Variants in TCF20 observed in about 807,000 individuals in gnomAD.
The protein encoded by TCF20 is transcription factor 20.
A neutral mutation model predicts 148.6 loss-of-function variants in TCF20; 3 were observed. The observed-to-expected ratio is 0.02, with a 90% CI of 0.01 to 0.05. The LOEUF is 0.05. TCF20 is among the 10% of genes least tolerant of loss of function. The pLI, the probability that TCF20 is intolerant of heterozygous loss-of-function variation, is 1.00. For missense variants in TCF20, 2,350 were observed against 2,429.3 expected, an observed-to-expected ratio of 0.97 and a Z score of 0.69; for synonymous variants, 1,049 against 909.5, an observed-to-expected ratio of 1.15 and a Z score of -2.76.
intron 3 of TCF20, among the ~76,000 whole-genome samples, chr22:42,173,588 G>A (rs1936265483): frequency 6.6e-6 from 1 of 152,160 alleles, no homozygotes; most frequent in African/African-American, 2.4e-5. Context: ...TTTTTGTTAT[G>A]ATTAGAAAGA....
At chr22:42,200,067 G>C (rs1937896126) in intron 2 of TCF20, among the ~76,000 whole-genome samples, 1 of 151,886 alleles carries the variant, frequency 6.6e-6, no homozygotes, top group Non-Finnish European at 1.5e-5. Context: ...TATTTGAAAG[G>C]CTAAATAAAA....
intron 2 of TCF20, among the ~76,000 whole-genome samples, chr22:42,188,069 G>A (rs1409822617): frequency 2.6e-5 from 4 of 151,812 alleles, no homozygotes; most frequent in African/African-American, 7.3e-5. Flanking sequence ...CGAGGCAGGC[G>A]GATCACCTGA....
intron 1 of TCF20, among the ~76,000 whole-genome samples, chr22:42,296,838 C>A (rs1288879023): frequency 1.3e-5 from 2 of 152,186 alleles, no homozygotes; most frequent in African/African-American, 4.8e-5. Flanking sequence ...CTCAGCTTTT[C>A]GCGAATGAGA....
intron 2 of TCF20, among the ~76,000 whole-genome samples, chr22:42,196,474 G>T (rs1198264671): frequency 6.6e-6 from 1 of 152,140 alleles, no homozygotes; most frequent in Non-Finnish European, 1.5e-5. Context: ...ACCCTACCTA[G>T]AAACAAGCAA....
At position 42,211,515 on chromosome 22, in the gene TCF20, A is replaced by G. The variant is rs1920963824; in HGVS notation, c.3791T>C (p.Ile1264Thr). 3.7e-6 allele frequency: 6 copies of G among 1,614,034 alleles called. No individual in the cohort carries two copies. Among genetic ancestry groups the G allele is most frequent in the Non-Finnish European group, 4.2e-6 (5 of 1,180,032 alleles). The change falls in exon 2 of 6, where the codon ATT becomes ACT. Residue 1264 changes from isoleucine to threonine, a missense_variant. This residue lies in a region of TCF20 where 1,641 missense variants were observed against 1,662.6 expected (regional missense o/e 0.99). Coordinates refer to ENST00000677622, the MANE Select transcript of TCF20 (RefSeq NM_001378418.1). ...ATCTTGTGACTGTCTCTTACTGGGA[A>G]TGGGAGAGATAAAAGAACGAACACG... is the stretch of plus-strand genomic sequence containing the variant. The part of the protein sequence containing the change: ...RRRVRSFISP[I>T]PSKRQSQDVK...
Position 42,210,487 on chromosome 22 carries a change from G to A in TCF20, c.4819C>T (p.Pro1607Ser). Residue 1607 changes from proline to serine, a missense_variant, in exon 2 of 6, where the codon CCC (proline) becomes TCC (serine). Physicochemically the swap from Pro to Ser is moderately conservative, Grantham distance 74. This residue lies in a region of TCF20 where 374 missense variants were observed against 398.3 expected (regional missense o/e 0.94). Transcript: ENST00000677622. The surrounding 1 kb of genome is among the most constrained non-coding windows in gnomAD (Gnocchi z 4.7). ...TTTAGTTTGATCTCAGGTTCTTGGGGTTCCACAATGGGAACTGCTTGTTTG... is the reference window on the plus strand; with the variant it reads ...TTTAGTTTGATCTCAGGTTCTTGGGATTCCACAATGGGAACTGCTTGTTTG... ...KTKQAVPIVE[P>S]QEPEIKLKYA... 6.2e-7 allele frequency: 1 copy of A among 1,614,214 alleles called. No individual in the cohort carries two copies. Among genetic ancestry groups the A allele is most frequent in the Non-Finnish European group, 8.5e-7 (1 of 1,180,042 alleles).
chr22:42,336,932 C>T (rs966982730), intron 1 of TCF20, among the ~76,000 whole-genome samples: 3 of 152,334 alleles, frequency 2.0e-5, no homozygotes, highest in Admixed American at 6.5e-5. Flanking sequence ...AGAACTGCTT[C>T]CCATAGCCAC....
intron 2 of TCF20, among the ~76,000 whole-genome samples, chr22:42,201,782 A>C (rs1938044322): frequency 6.6e-6 from 1 of 151,900 alleles, no homozygotes; most frequent in African/African-American, 2.4e-5. Context: ...AAAAAACAAA[A>C]CCAAACCAAA....
intron 1 of TCF20, among the ~76,000 whole-genome samples, chr22:42,316,196 G>C (rs901022232): frequency 1.3e-5 from 2 of 151,968 alleles, no homozygotes; most frequent in South Asian, 2.1e-4. Context: ...GGGAGCCCTG[G>C]CAGCTTCCAA....
Position 42,217,297 on chromosome 22 carries a change from G to A in TCF20, c.-36-1956C>T, listed in dbSNP as rs563526695. 1.3e-3 allele frequency among the ~76,000 whole-genome samples: 194 copies of A among 152,228 alleles called. 1 individual carries two copies. The highest frequency in any genetic ancestry group is 2.0e-3 in the Non-Finnish European group (138 of 68,026). On this transcript the variant is annotated intron_variant, in intron 1 of 5. Transcript: ENST00000677622. The stretch of plus-strand genomic sequence containing the variant: ...ATAGGAACTCTGTTCTCACCTGCAC[G>A]TTCTTCTCCCAGAGCCAGATAGCTT...
At chr22:42,239,968 A>G (rs1001272803) in intron 1 of TCF20, among the ~76,000 whole-genome samples, 3 of 152,208 alleles carry the variant, frequency 2.0e-5, no homozygotes, top group Non-Finnish European at 2.9e-5. Flanking sequence ...AAATCCCACA[A>G]TATCTGTGAA....
rs118056688 is a variant in TCF20 at position 42,250,965 on chromosome 22, G to C, written c.-37+19374C>G. On this transcript the variant is annotated intron_variant, in intron 1 of 5. Transcript: ENST00000677622. The stretch of plus-strand genomic sequence containing the variant: ...TTAAAACAGCCAGATCTCGCGAGAA[G>C]TCGCTCACCGTCTCGAGGACAGCAT... Among the ~76,000 whole-genome samples the C allele has an allele frequency of 3.7e-4, 57 of 152,258 alleles. No individual in the cohort carries two copies. In the East Asian group the frequency reaches 9.1e-3, roughly 24 times the overall value.
chr22:42,214,907 C>G lies in TCF20; in HGVS notation c.399G>C (p.Glu133Asp), dbSNP rs1384135402. 2.5e-6 allele frequency: 4 copies of G among 1,614,084 alleles called. No individual in the cohort carries two copies. The highest frequency in any genetic ancestry group is 3.4e-6 in the Non-Finnish European group (4 of 1,180,046). Residue 133 changes from glutamate to aspartate, a missense_variant, in exon 2 of 6, where the codon GAG becomes GAC. Glu to Asp is a conservative substitution (Grantham distance 45). Around this residue, in one of 7 missense-constraint regions of TCF20, gnomAD observed 1,641 missense variants for 1,662.6 expected, o/e 0.99. Coordinates refer to ENST00000677622, the MANE Select transcript of TCF20 (RefSeq NM_001378418.1). ...GSSFGNQYGS[E>D]GHVGQFQAQH... ...GTGCTTGAAACTGGCCCACATGACCCTCACTCCCATACTGATTGCCAAAGC... is the reference window on the plus strand; with the variant it reads ...GTGCTTGAAACTGGCCCACATGACCGTCACTCCCATACTGATTGCCAAAGC...
intron 1 of TCF20, among the ~76,000 whole-genome samples, chr22:42,310,491 A>C (rs984248394): frequency 6.6e-6 from 1 of 151,952 alleles, no homozygotes; most frequent in Non-Finnish European, 1.5e-5. Context: ...ACAGGAATCC[A>C]GCCAGGGGGG....
At chr22:42,224,109 T>TA (rs1690209894) in intron 1 of TCF20, among the ~76,000 whole-genome samples, 1 of 152,102 alleles carries the variant, frequency 6.6e-6, no homozygotes, top group African/African-American at 2.4e-5. Context: ...ATGTAAGCCA[T>TA]AAAAAATATC....
intron 1 of TCF20, among the ~76,000 whole-genome samples, chr22:42,295,887 C>G (rs1927228472): frequency 6.6e-6 from 1 of 152,208 alleles, no homozygotes; most frequent in Admixed American, 6.5e-5. Flanking sequence ...CCCATCCCCT[C>G]CTCCTCCAGG....
rs201887871 is a variant in TCF20 at position 42,214,541 on chromosome 22, C to T, written c.765G>A (p.Gln255=). 6.8e-6 allele frequency: 11 copies of T among 1,614,146 alleles called. No individual in the cohort carries two copies. The Admixed American group carries it at 1.5e-4, about 22-fold the overall frequency. ...SSFPSPQRFS[Q]SGQSYDGSYN... ...AACTGCCATCATAGCTCTGTCCAGA[C>T]TGGCTAAAACGCTGTGGTGAAGGGA... Residue 255 remains glutamine, a synonymous_variant, in exon 2 of 6, where the codon CAG becomes CAA. Transcript: ENST00000677622.
chr22:42,194,713 G>A (rs985281776), intron 2 of TCF20, among the ~76,000 whole-genome samples: 4 of 152,116 alleles, frequency 2.6e-5, no homozygotes, highest in African/African-American at 9.7e-5. Flanking sequence ...CACAGGGCAT[G>A]GTGGAGGAGA....
intron 1 of TCF20, among the ~76,000 whole-genome samples, chr22:42,217,954 CA>C (rs1224302555): frequency 6.6e-6 from 1 of 152,132 alleles, no homozygotes; most frequent in East Asian, 1.9e-4. Context: ...TCATGTGACC[CA>C]AAACAATCGC....
Sources: allele counts gnomAD v4.1 joint callset (sites outside exome capture counted in the v4.1 genomes callset), GRCh38; gene constraint gnomAD v4.1.1; regional missense constraint gnomAD v4.1.1; non-coding constraint Gnocchi (gnomAD v3.1); transcripts MANE v1.5; gene names NCBI Gene and HGNC (gene_info 2026-07-23, HGNC 2026-07-21).